The following KLF7 variants were observed in gnomAD, a reference collection of about 807,000 sequenced individuals.
The protein encoded by KLF7 is Krueppel-like factor 7.
A neutral mutation model predicts 27.3 loss-of-function variants in KLF7; 2 were observed. The observed-to-expected ratio is 0.07, with a 90% confidence interval of 0.03 to 0.23. KLF7 has a LOEUF of 0.23. KLF7 is among the 10% of genes least tolerant of loss of function. KLF7 has a pLI of 1.00. For missense variants in KLF7, 221 were observed against 394.1 expected, an observed-to-expected ratio of 0.56 and a Z score of 3.72; for synonymous variants, 165 against 162.4, an observed-to-expected ratio of 1.02 and a Z score of -0.12.
chr2:207,123,748 C>A, intron 2 of KLF7, 26 bp downstream of exon 2: 3 of 1,590,556 alleles, frequency 1.9e-6, no homozygotes, highest in Non-Finnish European at 2.6e-6. Context: ...AAGAAGAAAC[C>A]ACGTGCGGCC....
In KLF7 at chr2:207,075,988, C is replaced by T. The variant is rs886488626; in HGVS notation, c.*5225G>A. 6.6e-6 allele frequency: 1 copy of T among 150,830 alleles called. No homozygotes were observed. The highest frequency in any genetic ancestry group is 2.0e-4 in the East Asian group (1 of 5,094). 9.3% of individuals were successfully genotyped at this position (150,830 alleles called of 1,614,324 possible). ...AAATGTCCCCTCTGCCCACCCCCAACCCCTCCCCGCTATGTGGAACTCCCA... is the reference window on the plus strand; with the variant it reads ...AAATGTCCCCTCTGCCCACCCCCAATCCCTCCCCGCTATGTGGAACTCCCA... On this transcript the variant is annotated 3_prime_UTR_variant, in exon 4 of 4. Coordinates refer to ENST00000309446, the MANE Select transcript of KLF7 (RefSeq NM_003709.4).
intron 1 of KLF7, among the ~76,000 whole-genome samples, chr2:207,143,495 G>A (rs907123137): frequency 2.0e-5 from 3 of 151,856 alleles, no homozygotes; most frequent in African/African-American, 4.8e-5. Flanking sequence ...CTGAAGGTTC[G>A]GAGTCTGGGT....
chr2:207,125,210 C>T (rs1055584678), intron 1 of KLF7, among the ~76,000 whole-genome samples: 5 of 152,090 alleles, frequency 3.3e-5, no homozygotes, highest in African/African-American at 1.2e-4. Flanking sequence ...AATTTTCACC[C>T]GATAAAGAAA....
At chr2:207,157,313 A>T (rs545388793) in intron 1 of KLF7, among the ~76,000 whole-genome samples, 100 of 152,184 alleles carry the variant, frequency 6.6e-4, no homozygotes, top group South Asian at 3.7e-3. Context: ...AGAGTATGGA[A>T]ATCATAGCAG....
At chr2:207,111,742 TCTG>T (rs1461822006) in intron 2 of KLF7, among the ~76,000 whole-genome samples, 11 of 152,132 alleles carry the variant, frequency 7.2e-5, no homozygotes, top group African/African-American at 2.7e-4. Context: ...AGAAAAAAGA[TCTG>T]CTCTCCAAGA....
chr2:207,132,997 C>T (rs571188587), intron 1 of KLF7, among the ~76,000 whole-genome samples: 1 of 152,240 alleles, frequency 6.6e-6, no homozygotes, highest in Non-Finnish European at 1.5e-5. Context: ...CCTCTACCCA[C>T]AGTTGCAGAG....
At chr2:207,113,569 A>T (rs2077092743) in intron 2 of KLF7, among the ~76,000 whole-genome samples, 1 of 117,820 alleles carries the variant, frequency 8.5e-6, no homozygotes, top group Non-Finnish European at 1.6e-5. Context: ...GAGCAGAAGT[A>T]GCCAATTACC....
At chr2:207,168,594 A>G (rs990623966), upstream of KLF7, among the ~76,000 whole-genome samples, 2 of 152,296 alleles carry the variant, frequency 1.3e-5, no homozygotes, top group African/African-American at 4.8e-5. Flanking sequence ...GTGGGGCCGG[A>G]GGAGGAGGCT....
intron 3 of KLF7, among the ~76,000 whole-genome samples, chr2:207,084,462 C>G (rs1353167405): frequency 6.6e-6 from 1 of 151,816 alleles, no homozygotes; most frequent in Non-Finnish European, 1.5e-5. Flanking sequence ...AAAAGTAAAC[C>G]AAACCTTTAA....
chr2:207,100,595 G>A (rs1026190399), intron 2 of KLF7, among the ~76,000 whole-genome samples: 13 of 151,866 alleles, frequency 8.6e-5, no homozygotes, highest in Admixed American at 2.0e-4. Flanking sequence ...GACAGCCCCC[G>A]CTCCCCAACT....
chr2:207,078,055 T>C lies in KLF7; in HGVS notation c.*3158A>G, dbSNP rs1197180091. Reference sequence around the variant, plus strand: ...TCTTCAGGTTACTTCTTGGAAAACCTGCTCGCTCTAGCGGCTCTTAGTAAC... The same window carrying C: ...TCTTCAGGTTACTTCTTGGAAAACCCGCTCGCTCTAGCGGCTCTTAGTAAC... On this transcript the variant is annotated 3_prime_UTR_variant, in exon 4 of 4. Coordinates refer to ENST00000309446, the MANE Select transcript of KLF7 (RefSeq NM_003709.4). 3 of 152,242 alleles carry C rather than the reference T, an allele frequency of 2.0e-5. No homozygotes were observed. Among genetic ancestry groups the C allele is most frequent in the African/African-American group, 7.2e-5 (3 of 41,468 alleles). 9.4% of individuals were successfully genotyped at this position (152,242 alleles called of 1,614,324 possible).
rs541333895 is a variant in KLF7 at position 207,114,450 on chromosome 2, A to G, written c.733+9324T>C. On this transcript the variant is annotated intron_variant, in intron 2 of 3. Coordinates refer to ENST00000309446, the MANE Select transcript of KLF7 (RefSeq NM_003709.4). ...TCCATGAGATGACATTAAACTACAT[A>G]AACACACGAAATGAAGACAGAAACC... 5.3e-5 allele frequency among the ~76,000 whole-genome samples: 8 copies of G among 152,358 alleles called. No individual in the cohort carries two copies. The South Asian group carries it at 1.7e-3, about 32-fold the overall frequency.
At position 207,124,005 on chromosome 2, in the gene KLF7, C is replaced by A. The variant is rs996297385; in HGVS notation, c.502G>T (p.Ala168Ser). ...ACGGAGCTGAGAGCAGCCTTCTTGGCCACCAGTTTCAACGTCACCGTGCCA... is the reference window on the plus strand; with the variant it reads ...ACGGAGCTGAGAGCAGCCTTCTTGGACACCAGTTTCAACGTCACCGTGCCA... ...VDGTVTLKLV[A>S]KKAALSSVKV... The change falls in exon 2 of 4, where the codon GCC (alanine) becomes TCC (serine). Residue 168 changes from alanine to serine, a missense_variant. Ala to Ser is a moderately conservative substitution (Grantham distance 99). Around this residue, in one of 3 missense-constraint regions of KLF7, gnomAD observed 180 missense variants for 227.9 expected, o/e 0.79. Coordinates refer to ENST00000309446, the MANE Select transcript of KLF7 (RefSeq NM_003709.4). The A allele has an allele frequency of 2.5e-6, 4 of 1,614,050 alleles. No individual in the cohort carries two copies. The highest frequency in any genetic ancestry group is 3.4e-6 in the Non-Finnish European group (4 of 1,180,038).
chr2:207,149,998 T>C (rs73983198), intron 1 of KLF7, among the ~76,000 whole-genome samples: 4,849 of 152,292 alleles, frequency 0.032, 261 homozygotes, highest in African/African-American at 0.11. Context: ...TGAGTCACTG[T>C]AGCCACACAG....
chr2:207,156,879 C>A (rs1277315741), intron 1 of KLF7, among the ~76,000 whole-genome samples: 1 of 152,210 alleles, frequency 6.6e-6, no homozygotes, highest in Non-Finnish European at 1.5e-5. Flanking sequence ...AACCCCAACT[C>A]TGACATATCA....
chr2:207,103,587 G>A (rs779328200), intron 2 of KLF7, among the ~76,000 whole-genome samples: 1 of 152,220 alleles, frequency 6.6e-6, no homozygotes, highest in East Asian at 1.9e-4. Flanking sequence ...GGTTGTCAGA[G>A]TTCTGGAGAT....
rs1255537973 is a variant in KLF7, at chr2:207,077,017, T to C, written c.*4196A>G. The C allele has an allele frequency of 6.6e-6, 1 of 152,222 alleles. No homozygotes were observed. Among genetic ancestry groups the C allele is most frequent in the Non-Finnish European group, 1.5e-5 (1 of 68,032 alleles). 9.4% of individuals were successfully genotyped at this position (152,222 alleles called of 1,614,324 possible). On this transcript the variant is annotated 3_prime_UTR_variant, in exon 4 of 4. Coordinates refer to ENST00000309446, the MANE Select transcript of KLF7 (RefSeq NM_003709.4). ...AACCTGATTTTTGTAGTTAAATGTG[T>C]TGCATCTTTATCTTACTTTGCCTAC... is the stretch of plus-strand genomic sequence containing the variant.
chr2:207,171,929 G>T (rs544787658), upstream of KLF7, among the ~76,000 whole-genome samples: 2 of 152,150 alleles, frequency 1.3e-5, no homozygotes, highest in East Asian at 3.8e-4. Context: ...GTATGACTAT[G>T]TGCTAATTGT....
intron 2 of KLF7, among the ~76,000 whole-genome samples, chr2:207,110,622 G>A (rs534282410): frequency 4.6e-5 from 7 of 152,260 alleles, no homozygotes; most frequent in Non-Finnish European, 5.9e-5. Context: ...AAAAGGGGAG[G>A]GCATGAGGCT....
Sources: gnomAD v4.1 joint callset for allele counts (sites outside exome capture counted in the v4.1 genomes callset) on GRCh38, gnomAD v4.1.1 for gene constraint, gnomAD v4.1.1 regional missense constraint, MANE v1.5 for transcripts, NCBI Gene and HGNC (gene_info 2026-07-23, HGNC 2026-07-21) for gene names.